Variants in TMED3 observed in about 807,000 individuals in gnomAD.
TMED3 encodes the protein transmembrane emp24 domain-containing protein 3.
Under a neutral mutation model 15.0 loss-of-function variants are expected in TMED3, and 9 were observed. That is an observed-to-expected ratio of 0.60 (90% CI 0.36 to 1.04). The LOEUF is 1.04. Ranked by LOEUF, TMED3 falls within the 50% of genes least tolerant of loss-of-function variation. The pLI, the probability that TMED3 is intolerant of heterozygous loss-of-function variation, is 0.01. For missense variants in TMED3, 267 were observed against 278.9 expected (o/e 0.96, Z 0.30); for synonymous variants, 117 against 121.4 (o/e 0.96, Z 0.24).
At chr15:79,321,175 C>G (rs781237191) in intron 2 of TMED3, among the ~76,000 whole-genome samples, 10 of 152,166 alleles carry the variant, frequency 6.6e-5, no homozygotes, top group Admixed American at 3.9e-4. Flanking sequence ...GAATAACCTC[C>G]CCATCTTCAG....
intron 2 of TMED3, among the ~76,000 whole-genome samples, chr15:79,380,538 G>GTT (rs1893510250): frequency 6.9e-6 from 1 of 144,468 alleles, no homozygotes; most frequent in Non-Finnish European, 1.5e-5. Context: ...TATATATGTA[G>GTT]TTATATATAT....
intron 2 of TMED3, among the ~76,000 whole-genome samples, chr15:79,346,531 C>G (rs191735284): frequency 6.6e-6 from 1 of 152,294 alleles, no homozygotes; most frequent in Non-Finnish European, 1.5e-5. Flanking sequence ...GATTGTGAGG[C>G]CTCCTGAGCC....
intron 2 of TMED3, among the ~76,000 whole-genome samples, chr15:79,380,314 T>C (rs7182606): frequency 0.019 from 2,824 of 151,450 alleles, 89 homozygotes; most frequent in African/African-American, 0.065. Flanking sequence ...TGTGCCATTG[T>C]ACTCCAGCCT....
At chr15:79,391,946 AC>A (rs1040863241) in intron 2 of TMED3, among the ~76,000 whole-genome samples, 2 of 151,666 alleles carry the variant, frequency 1.3e-5, no homozygotes, top group Non-Finnish European at 2.9e-5. Context: ...GCCTTTTTCC[AC>A]CCTTTCAGTT....
rs769401031 is a variant in TMED3 at position 79,322,250 on chromosome 15, G to T, written c.*36G>T. 1 of 1,589,666 alleles carries T rather than the reference G, an allele frequency of 6.3e-7. No homozygotes were observed. The highest frequency in any genetic ancestry group is 1.2e-5 in the South Asian group (1 of 86,874). ...CTGCTCTAGGGCCCCTCATGCCCCA[G>T]GCTGGAGCAGCTCTCCTAGGTCACA... is the stretch of plus-strand genomic sequence containing the variant. On this transcript the variant is annotated 3_prime_UTR_variant, in exon 3 of 3. Coordinates refer to ENST00000299705, the MANE Select transcript of TMED3 (RefSeq NM_007364.4).
downstream of TMED3, among the ~76,000 whole-genome samples, chr15:79,326,022 C>T (rs1373229762): frequency 6.6e-6 from 1 of 152,168 alleles, no homozygotes; most frequent in Non-Finnish European, 1.5e-5. Flanking sequence ...CACCCAGAAA[C>T]AATACTAGCT....
At chr15:79,369,092 TTAA>T (rs1567034370) in intron 2 of TMED3, among the ~76,000 whole-genome samples, 5 of 143,864 alleles carry the variant, frequency 3.5e-5, no homozygotes, top group African/African-American at 1.0e-4. Flanking sequence ...AGACTCTGTC[TTAA>T]AAAAAAAAAA....
At chr15:79,325,739 G>A (rs776314229), downstream of TMED3, among the ~76,000 whole-genome samples, 1 of 152,134 alleles carries the variant, frequency 6.6e-6, no homozygotes, top group Non-Finnish European at 1.5e-5. Context: ...AGAAGCCCAA[G>A]AGCCCCCAGC....
chr15:79,373,731 G>T (rs1893381101), intron 2 of TMED3, among the ~76,000 whole-genome samples: 1 of 152,178 alleles, frequency 6.6e-6, no homozygotes, highest in South Asian at 2.1e-4. Context: ...AGGTAGTTGG[G>T]TTACAGCTTG....
At position 79,314,019 on chromosome 15, in the gene TMED3, A is replaced by C; in HGVS notation, c.417+14A>C. On this transcript the variant is annotated intron_variant, in intron 2 of 2. Coordinates refer to ENST00000299705, the MANE Select transcript of TMED3 (RefSeq NM_007364.4). ...GCTCTCACCCAGGTGAGTGAACATT[A>C]GCAGTTCGGGGCTGCTGAACCCCCT... 1 of 1,613,958 alleles carries C rather than the reference A, an allele frequency of 6.2e-7. No individual in the cohort carries two copies. The highest frequency in any genetic ancestry group is 8.5e-7 in the Non-Finnish European group (1 of 1,179,894).
chr15:79,390,470 T>C (rs1039855672), intron 2 of TMED3, among the ~76,000 whole-genome samples: 1 of 152,152 alleles, frequency 6.6e-6, no homozygotes, highest in African/African-American at 2.4e-5. Context: ...ATCTTTTTGA[T>C]ATGTTGTTGG....
chr15:79,330,343 A>G lies in TMED3; in HGVS notation c.417+16338A>G, dbSNP rs140925433. ...TTGACAAATTCAGTAAAGTTGCGGG[A>G]TGCAAAATCAACATACAAAACACAG... On this transcript the variant is annotated intron_variant, in intron 2 of 2. Transcript: ENST00000424155. Among the ~76,000 whole-genome samples the G allele has an allele frequency of 1.7e-3, 254 of 152,348 alleles. 1 individual carries two copies. The highest frequency in any genetic ancestry group is 6.8e-3 in the Middle Eastern group (2 of 294).
intron 2 of TMED3, among the ~76,000 whole-genome samples, chr15:79,343,462 T>C (rs2058858467): frequency 1.3e-5 from 2 of 152,246 alleles, no homozygotes; most frequent in South Asian, 4.1e-4. Flanking sequence ...TTCTGAGTAG[T>C]ATTTTATGCT....
chr15:79,326,720 A>G (rs930139400), downstream of TMED3, among the ~76,000 whole-genome samples: 1 of 152,182 alleles, frequency 6.6e-6, no homozygotes, highest in Non-Finnish European at 1.5e-5. Context: ...AGGTGATGGT[A>G]TTAGGAGGTG....
intron 2 of TMED3, among the ~76,000 whole-genome samples, chr15:79,333,199 ATTTAT>A (rs1394376027): frequency 6.6e-6 from 1 of 152,216 alleles, no homozygotes; most frequent in Admixed American, 6.5e-5. Flanking sequence ...CCCCTGTGAC[ATTTAT>A]TTAAGCAAAA....
rs1010982186 is a variant in TMED3 at position 79,322,758 on chromosome 15, G to A, written c.*544G>A. The stretch of plus-strand genomic sequence containing the variant: ...ATGCAAGCAGGACAGAATGGTGACT[G>A]GGTGCCCTTGGTGAGCTGTGTATTT... On this transcript the variant is annotated 3_prime_UTR_variant, in exon 3 of 3. Coordinates refer to ENST00000299705, the MANE Select transcript of TMED3 (RefSeq NM_007364.4). 2 of 985,486 alleles carry A rather than the reference G, an allele frequency of 2.0e-6. No individual in the cohort carries two copies. The highest frequency in any genetic ancestry group is 2.4e-6 in the Non-Finnish European group (2 of 830,044). 61.0% of individuals were successfully genotyped at this position (985,486 alleles called of 1,614,324 possible).
intron 2 of TMED3, among the ~76,000 whole-genome samples, chr15:79,407,214 C>G (rs1893913777): frequency 6.6e-6 from 1 of 152,142 alleles, no homozygotes; most frequent in African/African-American, 2.4e-5. Context: ...CTTGGAGGAG[C>G]CATTCCAGCA....
chr15:79,361,846 G>A (rs937267091), intron 2 of TMED3, among the ~76,000 whole-genome samples: 16 of 151,958 alleles, frequency 1.1e-4, no homozygotes, highest in South Asian at 6.2e-4. Flanking sequence ...AAGAGATTTC[G>A]GAATGTGTCC....
intron 2 of TMED3, among the ~76,000 whole-genome samples, chr15:79,403,087 T>C (rs1359977612): frequency 6.6e-6 from 1 of 151,476 alleles, no homozygotes; most frequent in African/African-American, 2.4e-5. Flanking sequence ...CCAGGTGTGG[T>C]GGTGCATGCC....
Sources: gnomAD v4.1 joint callset for allele counts (sites outside exome capture counted in the v4.1 genomes callset) on GRCh38, gnomAD v4.1.1 for gene constraint, MANE v1.5 for transcripts, NCBI Gene and HGNC (gene_info 2026-07-23, HGNC 2026-07-21) for gene names.